POU6F1: variants seen among roughly 807,000 people sequenced by gnomAD.
The protein encoded by POU6F1 is POU class 6 homeobox 1.
Under a neutral mutation model 28.9 loss-of-function variants are expected in POU6F1, and 9 were observed. The observed-to-expected ratio is 0.31, with a 90% CI of 0.19 to 0.54. POU6F1 has a LOEUF of 0.54. Among genes scored for constraint, POU6F1 ranks in the 20% least tolerant of loss-of-function variants. The probability of loss-of-function intolerance (pLI) is 0.94; values close to 1 mark genes in which losing one functional copy is unlikely to be tolerated. For missense variants in POU6F1, 338 were observed against 426.1 expected (o/e 0.79, Z 1.82); for synonymous variants, 173 against 171.1 (o/e 1.01, Z -0.09).
rs576235559 is a variant in POU6F1, at chr12:51,206,762, C to A, written c.48+27G>T. Reference sequence around the variant, plus strand: ...ACACCCCTCACTCCATCACCCTTACCCCCCCACTTCCCACCCCAGAAGATA... The same window carrying A: ...ACACCCCTCACTCCATCACCCTTACACCCCCACTTCCCACCCCAGAAGATA... On this transcript the variant is annotated intron_variant, in intron 2 of 10. Transcript: ENST00000333640. 17 of 393,020 alleles carry A rather than the reference C, an allele frequency of 4.3e-5. No homozygotes were observed. In the East Asian group the frequency reaches 6.1e-4, roughly 14 times the overall value. 24.3% of individuals were successfully genotyped at this position (393,020 alleles called of 1,614,324 possible).
Position 51,217,169 on chromosome 12 carries a change from G to A in POU6F1, c.-48+473C>T, listed in dbSNP as rs1467781930. ...GGGAGAACCGTGACAGGTCACCCTG[G>A]CCGCCCCAGCTGGCCCTAACCGCCG... On this transcript the variant is annotated intron_variant, in intron 1 of 10. Transcript: ENST00000333640. This position sits in a 1 kb window ranked among gnomAD's most constrained non-coding sequence, Gnocchi z 5.3. Among the ~76,000 whole-genome samples, 1 of 152,136 alleles carries A rather than the reference G, an allele frequency of 6.6e-6. No homozygotes were observed. The highest frequency in any genetic ancestry group is 1.5e-5 in the Non-Finnish European group (1 of 68,002).
chr12:51,213,585 G>A (rs1301493595), intron 1 of POU6F1, among the ~76,000 whole-genome samples: 1 of 151,918 alleles, frequency 6.6e-6, no homozygotes, highest in East Asian at 2.0e-4. Context: ...CCAGGCTGGA[G>A]TGCAGTGGCA....
intron 5 of POU6F1, 140 bp downstream of exon 5, chr12:51,198,410 T>C (rs886972502): frequency 2.5e-6 from 1 of 397,694 alleles, no homozygotes; most frequent in Non-Finnish European, 4.4e-6. Context: ...TGCGGCCGGA[T>C]GCCCAAGACA....
chr12:51,199,823 G>A lies in POU6F1; in HGVS notation c.290C>T (p.Ala97Val). ...GIPPSPATAI[A>V]TFSQAPSQPQ... The stretch of plus-strand genomic sequence containing the variant: ...CTGGCTTGGGGCTTGGCTGAAGGTG[G>A]CAATGGCAGTGGCAGGGCTCGGAGG... Residue 97 changes from alanine (A) to valine (V), a missense_variant, in exon 4 of 11, where the codon GCC (alanine) becomes GTC (valine). By Grantham distance (64) the Ala-to-Val change is moderately conservative. Around this residue, in one of 3 missense-constraint regions of POU6F1, gnomAD observed 206 missense variants for 225.6 expected, o/e 0.91. Transcript: ENST00000333640. The surrounding 1 kb of genome is among the most constrained non-coding windows in gnomAD (Gnocchi z 4.1). 1 of 399,298 alleles carries A rather than the reference G, an allele frequency of 2.5e-6. No individual in the cohort carries two copies. Among genetic ancestry groups the A allele is most frequent in the Non-Finnish European group, 4.4e-6 (1 of 226,238 alleles). 24.7% of individuals were successfully genotyped at this position (399,298 alleles called of 1,614,324 possible). A position where few individuals can be genotyped will look rare whatever the true frequency, so the allele number is the denominator to read the frequency against.
At chr12:51,197,598 C>A (rs953203065) in intron 6 of POU6F1, among the ~76,000 whole-genome samples, 172 bp downstream of exon 6, 2 of 152,228 alleles carry the variant, frequency 1.3e-5, no homozygotes, top group South Asian at 2.1e-4. Context: ...CTGGGATGGA[C>A]GGGCTGGCAG....
chr12:51,197,899 C>T lies in POU6F1; in HGVS notation c.717G>A (p.Leu239=). The change falls in exon 6 of 11, where the codon CTG becomes CTA. Residue 239 remains leucine, a synonymous_variant. Coordinates refer to ENST00000333640, the MANE Select transcript of POU6F1 (RefSeq NM_001330422.2). ...GGAGGATGGCAGGTGTGGTCTGCAG[C>T]AGCGGCTGGGTCTGGAACAGCGTCT... ...QPQTLFQTQP[L]LQTTPAILPQ... 1 of 406,204 alleles carries T rather than the reference C, an allele frequency of 2.5e-6. No individual in the cohort carries two copies. The highest frequency in any genetic ancestry group is 4.3e-6 in the Non-Finnish European group (1 of 231,184). 25.2% of individuals were successfully genotyped at this position (406,204 alleles called of 1,614,324 possible). A position where few individuals can be genotyped will look rare whatever the true frequency, so the allele number is the denominator to read the frequency against.
intron 7 of POU6F1, 95 bp downstream of exon 7, chr12:51,196,704 C>T (rs1301307932): frequency 1.3e-5 from 19 of 1,448,636 alleles, no homozygotes; most frequent in African/African-American, 4.2e-5. Flanking sequence ...GACGTCTGTT[C>T]GAGTTTCTAT....
intron 10 of POU6F1, 77 bp downstream of exon 10, chr12:51,191,519 G>A (rs1031706665): frequency 6.6e-7 from 1 of 1,519,368 alleles, no homozygotes; most frequent in Non-Finnish European, 8.9e-7. Context: ...AGGGGCCGGT[G>A]CTCAGGTTCC....
At chr12:51,193,437 G>C (rs942194241) in intron 8 of POU6F1, among the ~76,000 whole-genome samples, 1 of 152,156 alleles carries the variant, frequency 6.6e-6, no homozygotes, top group African/African-American at 2.4e-5. Flanking sequence ...TTAGCCAGGC[G>C]TGGTGGCACG....
rs986785236 is a variant in POU6F1 at position 51,199,314 on chromosome 12, G to A, written c.366+433C>T. Among the ~76,000 whole-genome samples the A allele has an allele frequency of 6.6e-6, 1 of 152,152 alleles. No homozygotes were observed. The stretch of plus-strand genomic sequence containing the variant: ...CAGGGAATGTAGCGAAAGGGACAGG[G>A]AGCTCTGCCTGCCTGCAGGATCCTG... On this transcript the variant is annotated intron_variant, in intron 4 of 10. Transcript: ENST00000333640. This position sits in a 1 kb window ranked among gnomAD's most constrained non-coding sequence, Gnocchi z 4.1.
In POU6F1 at chr12:51,203,382, C is replaced by T. The variant is rs373602700; in HGVS notation, c.244+791G>A. Among the ~76,000 whole-genome samples, 6 of 152,262 alleles carry T rather than the reference C, an allele frequency of 3.9e-5. No homozygotes were observed. In the East Asian group the frequency reaches 9.7e-4, roughly 25 times the overall value. Reference sequence around the variant, plus strand: ...GATGCAGGGTCCTTGTCTTCCCTGCCTGGTCCCCAGGGCACTGCCCCTTGG... The same window carrying T: ...GATGCAGGGTCCTTGTCTTCCCTGCTTGGTCCCCAGGGCACTGCCCCTTGG... On this transcript the variant is annotated intron_variant, in intron 3 of 10. Coordinates refer to ENST00000333640, the MANE Select transcript of POU6F1 (RefSeq NM_001330422.2).
intron 5 of POU6F1, 96 bp from the exon 6 acceptor site, chr12:51,198,119 T>C (rs1393944755): frequency 2.5e-6 from 1 of 396,740 alleles, no homozygotes; most frequent in African/African-American, 2.1e-5. Flanking sequence ...GGAGAGGGGG[T>C]TGGGGCAGTG....
intron 1 of POU6F1, among the ~76,000 whole-genome samples, chr12:51,213,184 G>A (rs950508617): frequency 3.3e-5 from 5 of 152,102 alleles, no homozygotes; most frequent in African/African-American, 7.2e-5. Flanking sequence ...TGATTCACCC[G>A]CCTTGGCCTC....
chr12:51,208,304 A>AAGAG (rs747007722), intron 1 of POU6F1, among the ~76,000 whole-genome samples: 1 of 150,868 alleles, frequency 6.6e-6, no homozygotes, highest in Admixed American at 6.6e-5. Flanking sequence ...TGTCTCAAAA[A>AAGAG]AGAGAGAGAG....
chr12:51,201,093 C>T (rs1943175772), intron 3 of POU6F1, among the ~76,000 whole-genome samples: 1 of 152,200 alleles, frequency 6.6e-6, no homozygotes, highest in African/African-American at 2.4e-5. Flanking sequence ...TACCTCACCT[C>T]TCTTTTTTCC....
Position 51,199,420 on chromosome 12 carries a change from C to T in POU6F1, c.366+327G>A, listed in dbSNP as rs1335690445. Among the ~76,000 whole-genome samples, 1 of 152,202 alleles carries T rather than the reference C, an allele frequency of 6.6e-6. No homozygotes were observed. Among genetic ancestry groups the T allele is most frequent in the Non-Finnish European group, 1.5e-5 (1 of 68,040 alleles). ...ACAATCCATTAACTCTTACAGGCATCCACTGGAGGGCCGGCAAGGGTATTC... is the reference window on the plus strand; with the variant it reads ...ACAATCCATTAACTCTTACAGGCATTCACTGGAGGGCCGGCAAGGGTATTC... On this transcript the variant is annotated intron_variant, in intron 4 of 10. Transcript: ENST00000333640. The surrounding 1 kb of genome is among the most constrained non-coding windows in gnomAD (Gnocchi z 4.1).
chr12:51,214,411 C>G (rs1189029685), intron 1 of POU6F1, among the ~76,000 whole-genome samples: 1 of 152,052 alleles, frequency 6.6e-6, no homozygotes, highest in African/African-American at 2.4e-5. Flanking sequence ...CCTCCTGACA[C>G]CACACAGAAC....
intron 8 of POU6F1, among the ~76,000 whole-genome samples, chr12:51,193,010 G>A (rs993410972): frequency 8.5e-5 from 13 of 152,158 alleles, no homozygotes; most frequent in African/African-American, 2.9e-4. Context: ...CCAACCTGGA[G>A]CTTCACACCC....
intron 6 of POU6F1, 46 bp from the exon 7 acceptor site, chr12:51,196,973 G>A: frequency 8.6e-7 from 1 of 1,163,288 alleles, no homozygotes; most frequent in Non-Finnish European, 1.3e-6. Flanking sequence ...GGGGTGAGAA[G>A]AACCCCGGGC....
Sources: allele counts gnomAD v4.1 joint callset (sites outside exome capture counted in the v4.1 genomes callset), GRCh38; gene constraint gnomAD v4.1.1; regional missense constraint gnomAD v4.1.1; non-coding constraint Gnocchi (gnomAD v3.1); transcripts MANE v1.5; gene names NCBI Gene and HGNC (gene_info 2026-07-23, HGNC 2026-07-21).